The following HMGN3 variants were observed in gnomAD, a reference collection of about 807,000 sequenced individuals.
The protein encoded by HMGN3 is high mobility group nucleosomal binding domain 3, also known as high mobility group nucleosome-binding domain-containing protein 3.
In HMGN3, 6 loss-of-function variants were observed where a neutral mutation model predicts 18.8. That is an observed-to-expected ratio of 0.32 (90% CI 0.18 to 0.63). The LOEUF is 0.63. Ranked by LOEUF, HMGN3 falls within the 30% of genes least tolerant of loss-of-function variation. The probability of loss-of-function intolerance (pLI) is 0.79; values close to 1 mark genes in which losing one functional copy is unlikely to be tolerated. For synonymous variants in HMGN3, 40 were observed against 36.5 expected (o/e 1.10, Z -0.35); for missense variants, 107 against 114.2 (o/e 0.94, Z 0.29).
intron 1 of HMGN3, among the ~76,000 whole-genome samples, chr6:79,230,000 C>A (rs923016070): frequency 6.6e-6 from 1 of 152,130 alleles, no homozygotes; most frequent in African/African-American, 2.4e-5. Flanking sequence ...TTCACAGCAG[C>A]ATTATTGATA....
chr6:79,204,210 A>G lies in HMGN3; in HGVS notation c.97-580T>C, dbSNP rs114278351. ...AGGTGAGAATCTCTTGTCTAACCAG[A>G]TATGCTGGGCTCATTTGTGTCTAAA... On this transcript the variant is annotated intron_variant, in intron 3 of 5. Coordinates refer to ENST00000344726, the Ensembl canonical transcript of HMGN3. Among the ~76,000 whole-genome samples the G allele has an allele frequency of 1.3e-3, 192 of 152,354 alleles. 3 individuals carry two copies. Among genetic ancestry groups the G allele is most frequent in the African/African-American group, 4.5e-3 (186 of 41,582 alleles).
At chr6:79,202,212 G>A (rs1229684730) in intron 5 of HMGN3, 57 bp from the exon 6 acceptor site, 10 of 1,612,184 alleles carry the variant, frequency 6.2e-6, no homozygotes, top group Non-Finnish European at 8.5e-6. Context: ...ATCACCGGCT[G>A]AAGGATTGAG....
At chr6:79,201,987 TA>T (rs1156326991) in intron 5 of HMGN3, 75 bp downstream of exon 6, 3,726 of 1,090,792 alleles carry the variant, frequency 3.4e-3, no homozygotes, top group South Asian at 0.011. Context: ...TCATAATGAT[TA>T]AAAAAAAAAA....
At chr6:79,211,918 T>C (rs981131375) in intron 2 of HMGN3, among the ~76,000 whole-genome samples, 4 of 152,160 alleles carry the variant, frequency 2.6e-5, no homozygotes, top group Non-Finnish European at 4.4e-5. Flanking sequence ...TGCTGGATAC[T>C]GCTTGAAACA....
At chr6:79,230,496 C>A (rs970888023) in intron 1 of HMGN3, among the ~76,000 whole-genome samples, 5 of 152,190 alleles carry the variant, frequency 3.3e-5, no homozygotes, top group Non-Finnish European at 7.3e-5. Flanking sequence ...TGCTGAGTGT[C>A]TATATCCCTC....
intron 3 of HMGN3, among the ~76,000 whole-genome samples, chr6:79,207,245 G>T (rs1478126541): frequency 6.6e-6 from 1 of 152,072 alleles, no homozygotes; most frequent in African/African-American, 2.4e-5. Context: ...AGAATGATAT[G>T]GTTTGGCTAT....
intron 2 of HMGN3, among the ~76,000 whole-genome samples, chr6:79,210,586 A>G (rs999018152): frequency 6.6e-6 from 1 of 152,138 alleles, no homozygotes; most frequent in East Asian, 1.9e-4. Flanking sequence ...GTTGAGATGA[A>G]CAGAAGGGGT....
rs1290044147 is a variant in HMGN3, at chr6:79,234,361, C to T, written c.15+185G>A. 5 of 497,234 alleles carry T rather than the reference C, an allele frequency of 1.0e-5. No homozygotes were observed. In the African/African-American group the frequency reaches 1.0e-4, roughly 10 times the overall value. 30.8% of individuals were successfully genotyped at this position (497,234 alleles called of 1,614,324 possible). ...AGTAACATTAAGAGATCGATGAGGA[C>T]GGAGTGGGTAGGGGGGACAGAGAGA... is the stretch of plus-strand genomic sequence containing the variant. On this transcript the variant is annotated intron_variant, in intron 1 of 5. Transcript: ENST00000344726.
chr6:79,202,474 A>G lies in HMGN3; in HGVS notation c.148-85T>C, dbSNP rs13220233. On this transcript the variant is annotated intron_variant, in intron 4 of 5. Transcript: ENST00000344726. ...AATCAATCAGCCTCTGTCCAAACACAAGGTGAAGTACAACCGTTACCATCA... is the reference window on the plus strand; with the variant it reads ...AATCAATCAGCCTCTGTCCAAACACGAGGTGAAGTACAACCGTTACCATCA... 7.0e-3 allele frequency: 7,439 copies of G among 1,070,294 alleles called. 36 individuals carry two copies. The highest frequency in any genetic ancestry group is 9.1e-3 in the Non-Finnish European group (6,352 of 698,748). The allele number at this position is 1,070,294 out of a possible 1,614,324, so 66.3% of individuals were successfully genotyped here.
Position 79,203,738 on chromosome 6 carries a change from T to A in HMGN3, c.97-108A>T, listed in dbSNP as rs1392292354. On this transcript the variant is annotated intron_variant, in intron 3 of 5. Coordinates refer to ENST00000344726, the Ensembl canonical transcript of HMGN3. ...AGACAACTATCCATTTTGACATGGCTTTGGTCATTAAAAAGTATTTCATCC... is the reference window on the plus strand; with the variant it reads ...AGACAACTATCCATTTTGACATGGCATTGGTCATTAAAAAGTATTTCATCC... 5 of 839,594 alleles carry A rather than the reference T, an allele frequency of 6.0e-6. No homozygotes were observed. In the Admixed American group the frequency reaches 1.2e-4, roughly 20 times the overall value. 52.0% of individuals were successfully genotyped at this position (839,594 alleles called of 1,614,324 possible).
chr6:79,205,409 A>T (rs1441462688), intron 3 of HMGN3, among the ~76,000 whole-genome samples: 1 of 152,194 alleles, frequency 6.6e-6, no homozygotes, highest in Admixed American at 6.5e-5. Context: ...ATGATTAGTG[A>T]ATGAGTCTCA....
intron 1 of HMGN3, among the ~76,000 whole-genome samples, chr6:79,225,776 C>G (rs1777537299): frequency 6.6e-6 from 1 of 152,198 alleles, no homozygotes. Flanking sequence ...TACAACCCTA[C>G]AGTCCACTAG....
chr6:79,234,087 G>A lies in HMGN3; in HGVS notation c.15+459C>T, dbSNP rs551642813. On this transcript the variant is annotated intron_variant, in intron 1 of 5. Coordinates refer to ENST00000344726, the Ensembl canonical transcript of HMGN3. Reference sequence around the variant, plus strand: ...CCTAGGAGCCACCGCAGCGCACCCAGCCCGCGAGTACAGCCGCATGGGAAT... The same window carrying A: ...CCTAGGAGCCACCGCAGCGCACCCAACCCGCGAGTACAGCCGCATGGGAAT... 3.1e-3 allele frequency: 491 copies of A among 156,482 alleles called. 2 individuals carry two copies. The highest frequency in any genetic ancestry group is 5.5e-3 in the Non-Finnish European group (388 of 70,556). The allele number at this position is 156,482 out of a possible 1,614,324, so 9.7% of individuals were successfully genotyped here.
chr6:79,219,217 T>A (rs1777150080), intron 1 of HMGN3, among the ~76,000 whole-genome samples: 1 of 152,122 alleles, frequency 6.6e-6, no homozygotes, highest in African/African-American at 2.4e-5. Context: ...AGAAAATCTG[T>A]AAAGTTATCA....
intron 2 of HMGN3, among the ~76,000 whole-genome samples, chr6:79,211,257 C>A (rs1411821156): frequency 6.6e-6 from 1 of 152,090 alleles, no homozygotes; most frequent in Non-Finnish European, 1.5e-5. Context: ...ACTGATTATG[C>A]ATACAAGTAT....
At chr6:79,234,598 A>C (rs774222206) in exon 1 of HMGN3, 1 of 1,608,344 alleles carries the variant, frequency 6.2e-7, no homozygotes, top group Non-Finnish European at 8.5e-7. Context: ...AAAGCAACGG[A>C]CTGGAACTGC....
intron 1 of HMGN3, among the ~76,000 whole-genome samples, chr6:79,233,542 A>G (rs201409983): frequency 1.3e-5 from 2 of 152,142 alleles, no homozygotes; most frequent in Non-Finnish European, 2.9e-5. Context: ...TGGCGGTGGG[A>G]GGGTGCAAAG....
chr6:79,211,120 A>G (rs1776668138), intron 2 of HMGN3, among the ~76,000 whole-genome samples: 1 of 151,556 alleles, frequency 6.6e-6, no homozygotes, highest in African/African-American at 2.4e-5. Context: ...ACAATTTCCC[A>G]GCTCTTCTTT....
chr6:79,210,309 G>C (rs530007291), intron 2 of HMGN3, among the ~76,000 whole-genome samples: 11 of 152,266 alleles, frequency 7.2e-5, no homozygotes, highest in African/African-American at 2.6e-4. Context: ...CAGCTTTGAA[G>C]CTTCAGTGTG....
Sources: gnomAD v4.1 joint callset for allele counts (sites outside exome capture counted in the v4.1 genomes callset) on GRCh38, gnomAD v4.1.1 for gene constraint, MANE v1.5 for transcripts, NCBI Gene and HGNC (gene_info 2026-07-23, HGNC 2026-07-21) for gene names.